The following RFFL variants were observed in gnomAD, a reference collection of about 807,000 sequenced individuals.
RFFL encodes E3 ubiquitin-protein ligase rififylin.
Under a neutral mutation model 40.4 loss-of-function variants are expected in RFFL, and 16 were observed. The observed-to-expected ratio is 0.40, with a 90% CI of 0.27 to 0.60. RFFL has a LOEUF of 0.60. RFFL is among the 20% of genes least tolerant of loss of function. The pLI is 0.47. For synonymous variants in RFFL, 154 were observed against 167.9 expected (o/e 0.92, Z 0.64); for missense variants, 367 against 451.7 (o/e 0.81, Z 1.70).
chr17:35,051,477 C>T (rs2091231412), intron 1 of RFFL, among the ~76,000 whole-genome samples: 1 of 152,148 alleles, frequency 6.6e-6, no homozygotes, highest in African/African-American at 2.4e-5. Context: ...GTTCACTAGA[C>T]AGTATTTCAG....
upstream of RFFL, among the ~76,000 whole-genome samples, chr17:35,068,084 G>T (rs1348277625): frequency 2.0e-5 from 3 of 152,074 alleles, no homozygotes; most frequent in East Asian, 1.9e-4. Context: ...TGATACAAGG[G>T]GCTTAATGGA....
chr17:35,017,422 A>G (rs2090980929), intron 4 of RFFL, 101 bp downstream of exon 4: 1 of 771,296 alleles, frequency 1.3e-6, no homozygotes, highest in African/African-American at 1.7e-5. Context: ...AAGCACTATC[A>G]TCACACATTT....
intron 1 of RFFL, among the ~76,000 whole-genome samples, chr17:35,072,823 CA>C (rs2091357702): frequency 6.6e-6 from 1 of 152,020 alleles, no homozygotes; most frequent in South Asian, 2.1e-4. Flanking sequence ...GCAGGTGGAT[CA>C]CCTGAGGTGG....
rs1049845225 is a variant in RFFL, at chr17:35,082,716, C to T, written c.-9+6389G>A. Among the ~76,000 whole-genome samples, 4 of 152,302 alleles carry T rather than the reference C, an allele frequency of 2.6e-5. No homozygotes were observed. In the East Asian group the frequency reaches 7.7e-4, roughly 29 times the overall value. ...GGGAGAAGGGACGTTTATTGAGTTG[C>T]TTACAATATACAAAAAACATATTTT... On this transcript the variant is annotated intron_variant, in intron 1 of 6. Coordinates refer to the RFFL transcript ENST00000315249.
intron 3 of RFFL, 144 bp downstream of exon 3, chr17:35,021,227 C>A: frequency 1.3e-6 from 1 of 785,882 alleles, no homozygotes; most frequent in Non-Finnish European, 1.9e-6. Context: ...CCAGAAAACA[C>A]TTGGTGCACC....
intron 1 of RFFL, among the ~76,000 whole-genome samples, chr17:35,088,496 C>T (rs534990095): frequency 2.0e-5 from 3 of 152,326 alleles, no homozygotes; most frequent in Non-Finnish European, 1.5e-5. Flanking sequence ...CCTGGGCAGC[C>T]GGCTGAAGAG....
At chr17:35,034,890 G>A (rs1432776130) in intron 1 of RFFL, among the ~76,000 whole-genome samples, 2 of 152,224 alleles carry the variant, frequency 1.3e-5, no homozygotes, top group African/African-American at 2.4e-5. Flanking sequence ...AAGTGATTTC[G>A]ACTAGGTCTT....
rs1398053241 is a variant in RFFL, at chr17:35,047,950, C to T, written c.-9+15626G>A. Among the ~76,000 whole-genome samples, 3 of 151,648 alleles carry T rather than the reference C, an allele frequency of 2.0e-5. No individual in the cohort carries two copies. In the South Asian group the frequency reaches 6.3e-4, roughly 32 times the overall value. The stretch of plus-strand genomic sequence containing the variant: ...TATTTTTAGTAGAGACGGGGTTTCA[C>T]CACGTTGGCCAGGCTGGTCTCGAAC... On this transcript the variant is annotated intron_variant, in intron 1 of 6. Transcript: ENST00000394597.
chr17:35,022,818 A>G (rs1420301661), intron 2 of RFFL, among the ~76,000 whole-genome samples: 1 of 152,234 alleles, frequency 6.6e-6, no homozygotes, highest in East Asian at 1.9e-4. Context: ...TTAGACAGCA[A>G]CGGGAGGCTG....
rs368858433 is a variant in RFFL at position 35,022,650 on chromosome 17, GT to G, written c.181-870del. Among the ~76,000 whole-genome samples the G allele has an allele frequency of 5.5e-3, 839 of 152,276 alleles. 6 individuals carry two copies. The highest frequency in any genetic ancestry group is 0.019 in the African/African-American group (781 of 41,542). The stretch of plus-strand genomic sequence containing the variant: ...CCACCAGGCCATACTGCATAGCTCA[GT>G]TCCATTCAAGTACAGAGCAGTTCTG... On this transcript the variant is annotated intron_variant, in intron 2 of 6. Transcript: ENST00000394597.
rs201252354 is a variant in RFFL, at chr17:35,026,407, G to C, written c.147C>G (p.Ser49=). Reference sequence around the variant, plus strand: ...CCGTGTTTGCAAAGTGAGCCCCACAGGACTTGCAGCTTGGTTCCAAGCCTG... The same window carrying C: ...CCGTGTTTGCAAAGTGAGCCCCACACGACTTGCAGCTTGGTTCCAAGCCTG... ...SPTGLEPSCK[S]CGAHFANTAR... Residue 49 remains serine (S), a synonymous_variant, in exon 2 of 7, where the codon TCC becomes TCG. Transcript: ENST00000394597. 2 of 1,613,884 alleles carry C rather than the reference G, an allele frequency of 1.2e-6. No individual in the cohort carries two copies.
intron 1 of RFFL, among the ~76,000 whole-genome samples, chr17:35,070,975 T>C (rs971077980): frequency 6.6e-6 from 1 of 152,008 alleles, no homozygotes; most frequent in Non-Finnish European, 1.5e-5. Context: ...GGCAGGTAAA[T>C]TGCTTGAGGC....
At chr17:35,038,328 T>C (rs997868487) in intron 1 of RFFL, among the ~76,000 whole-genome samples, 3 of 149,868 alleles carry the variant, frequency 2.0e-5, no homozygotes, top group Non-Finnish European at 4.4e-5. Context: ...CAACTGGAAC[T>C]CTAATATTGC....
chr17:35,058,387 T>C (rs1212510247), intron 1 of RFFL, among the ~76,000 whole-genome samples: 1 of 152,172 alleles, frequency 6.6e-6, no homozygotes, highest in Non-Finnish European at 1.5e-5. Context: ...GCCAAATTTG[T>C]AAATCATATG....
rs561317874 is a variant in RFFL at position 35,050,950 on chromosome 17, C to A, written c.-9+12626G>T. Among the ~76,000 whole-genome samples the A allele has an allele frequency of 8.5e-5, 13 of 152,090 alleles. No homozygotes were observed. In the South Asian group the frequency reaches 2.5e-3, roughly 29 times the overall value. Reference sequence around the variant, plus strand: ...TCGTGCCATTGCACTCCAGCCTGGGCAACATGAGTGAAATTGTCTCAAAAC... The same window carrying A: ...TCGTGCCATTGCACTCCAGCCTGGGAAACATGAGTGAAATTGTCTCAAAAC... On this transcript the variant is annotated intron_variant, in intron 1 of 6. Transcript: ENST00000394597.
rs1446000629 is a variant in RFFL, at chr17:35,009,623, T to C, written c.*2345A>G. On this transcript the variant is annotated 3_prime_UTR_variant, in exon 7 of 7. Transcript: ENST00000394597. ...AAATCAGGGTTGTTTGACACCTTTTTTCCTAAAGGGAAACCTTCACCAAAA... is the reference window on the plus strand; with the variant it reads ...AAATCAGGGTTGTTTGACACCTTTTCTCCTAAAGGGAAACCTTCACCAAAA... 2.0e-5 allele frequency: 3 copies of C among 152,216 alleles called. No individual in the cohort carries two copies. Among genetic ancestry groups the C allele is most frequent in the Admixed American group, 6.5e-5 (1 of 15,284 alleles). The allele number at this position is 152,216 out of a possible 1,614,324, so 9.4% of individuals were successfully genotyped here.
At chr17:35,024,389 G>A (rs958811132) in intron 2 of RFFL, among the ~76,000 whole-genome samples, 3 of 152,092 alleles carry the variant, frequency 2.0e-5, no homozygotes, top group African/African-American at 7.2e-5. Flanking sequence ...TCTGAGATCT[G>A]AATATCACTT....
At chr17:35,029,578 T>C (rs2091068113) in intron 1 of RFFL, among the ~76,000 whole-genome samples, 1 of 149,960 alleles carries the variant, frequency 6.7e-6, no homozygotes, top group Non-Finnish European at 1.5e-5. Context: ...TGGAGTGCAG[T>C]GGCATGATCT....
intron 1 of RFFL, among the ~76,000 whole-genome samples, chr17:35,080,023 C>G (rs1454583571): frequency 3.9e-5 from 6 of 152,126 alleles, no homozygotes; most frequent in Non-Finnish European, 8.8e-5. Flanking sequence ...TAGCCCCTAA[C>G]TATTCCTTTC....
Sources: gnomAD v4.1 joint callset for allele counts (sites outside exome capture counted in the v4.1 genomes callset) on GRCh38, gnomAD v4.1.1 for gene constraint, MANE v1.5 for transcripts, NCBI Gene and HGNC (gene_info 2026-07-23, HGNC 2026-07-21) for gene names.